The following CSRNP3 variants were observed in gnomAD, a reference collection of about 807,000 sequenced individuals.
CSRNP3 encodes the protein cysteine and serine rich nuclear protein 3, also known as cysteine/serine-rich nuclear protein 3.
Under a neutral mutation model 48.0 loss-of-function variants are expected in CSRNP3, and 12 were observed. That is an observed-to-expected ratio of 0.25 (90% confidence interval 0.16 to 0.41). The LOEUF is 0.41. Among genes scored for constraint, CSRNP3 ranks in the 10% least tolerant of loss-of-function variants. CSRNP3 has a pLI of 1.00. For missense variants in CSRNP3, 580 were observed against 724.4 expected (o/e 0.80, Z 2.29); for synonymous variants, 263 against 269.7 (o/e 0.98, Z 0.24).
At chr2:165,541,399 G>A (rs1684955857) in intron 3 of CSRNP3, among the ~76,000 whole-genome samples, 1 of 151,962 alleles carries the variant, frequency 6.6e-6, no homozygotes, top group Non-Finnish European at 1.5e-5. Flanking sequence ...GCACTACAGA[G>A]GTCGTCCCAT....
intron 3 of CSRNP3, among the ~76,000 whole-genome samples, chr2:165,586,532 G>T (rs577587807): frequency 6.6e-6 from 1 of 152,210 alleles, no homozygotes; most frequent in South Asian, 2.1e-4. Context: ...ATTTAACTGG[G>T]TGTCCCATAT....
intron 3 of CSRNP3, chr2:165,574,410 A>G: frequency 1.3e-6 from 2 of 1,550,134 alleles, no homozygotes; most frequent in South Asian, 2.4e-5. Context: ...TGTGTGCCGT[A>G]GTCGTTATAT....
At chr2:165,486,444 C>T (rs1409336828) in intron 1 of CSRNP3, among the ~76,000 whole-genome samples, 5 of 150,070 alleles carry the variant, frequency 3.3e-5, no homozygotes, top group Middle Eastern at 3.4e-3. Context: ...GAGCCCACCA[C>T]AGCTCAAGGA....
At chr2:165,633,235 A>T (rs1686568353) in intron 4 of CSRNP3, among the ~76,000 whole-genome samples, 1 of 152,128 alleles carries the variant, frequency 6.6e-6, no homozygotes, top group African/African-American at 2.4e-5. Flanking sequence ...GGCAGCCAAG[A>T]TTGTCTTTTA....
chr2:165,660,754 T>C (rs1158772814), intron 5 of CSRNP3, among the ~76,000 whole-genome samples: 1 of 152,216 alleles, frequency 6.6e-6, no homozygotes, highest in Non-Finnish European at 1.5e-5. Flanking sequence ...TATTGTTGGA[T>C]GTTGGAGAGG....
At chr2:165,612,557 A>G (rs1236541619) in intron 4 of CSRNP3, among the ~76,000 whole-genome samples, 4 of 151,754 alleles carry the variant, frequency 2.6e-5, no homozygotes, top group Non-Finnish European at 5.9e-5. Context: ...CTATTCATCA[A>G]CGTCTTCCTG....
At chr2:165,559,713 A>C (rs1270131284) in intron 3 of CSRNP3, among the ~76,000 whole-genome samples, 1 of 151,720 alleles carries the variant, frequency 6.6e-6, no homozygotes, top group African/African-American at 2.4e-5. Flanking sequence ...CAAATATTAA[A>C]TGTATTGTGC....
intron 3 of CSRNP3, among the ~76,000 whole-genome samples, chr2:165,582,223 T>C (rs1211229340): frequency 6.6e-6 from 1 of 152,168 alleles, no homozygotes; most frequent in African/African-American, 2.4e-5. Context: ...AAAACTACCT[T>C]GTAGAATGTG....
chr2:165,676,425 A>G lies in CSRNP3; in HGVS notation c.522A>G (p.Leu174=), dbSNP rs1558971393. The G allele has an allele frequency of 6.2e-7, 1 of 1,614,138 alleles. No homozygotes were observed. Among genetic ancestry groups the G allele is most frequent in the African/African-American group, 1.3e-5 (1 of 75,060 alleles). Residue 174 remains leucine (L), a synonymous_variant, in exon 6 of 7, where the codon CTA becomes CTG. Coordinates refer to ENST00000651982, the MANE Select transcript of CSRNP3 (RefSeq NM_001172173.2). ...DNTEVDEYFF[L]QPLPTKKRRA... is the part of the protein sequence containing the mutation. Reference sequence around the variant, plus strand: ...CAGAGGTAGATGAGTACTTCTTCCTACAACCTTTGCCAACAAAAAAACGAA... The same window carrying G: ...CAGAGGTAGATGAGTACTTCTTCCTGCAACCTTTGCCAACAAAAAAACGAA...
At chr2:165,562,977 G>A (rs1471674927) in intron 3 of CSRNP3, among the ~76,000 whole-genome samples, 1 of 152,186 alleles carries the variant, frequency 6.6e-6, no homozygotes, top group Non-Finnish European at 1.5e-5. Context: ...TGATGAAGGA[G>A]AGAAGACAGT....
intron 4 of CSRNP3, among the ~76,000 whole-genome samples, chr2:165,654,024 A>G (rs1480719001): frequency 1.4e-5 from 2 of 144,436 alleles, no homozygotes; most frequent in Non-Finnish European, 3.0e-5. Flanking sequence ...AGAGGTGTGT[A>G]TAATAATGAT....
chr2:165,493,118 C>T (rs1031252036), intron 1 of CSRNP3, among the ~76,000 whole-genome samples: 1 of 151,692 alleles, frequency 6.6e-6, no homozygotes, highest in Non-Finnish European at 1.5e-5. Context: ...TAAATATGCC[C>T]CAAGGAATTT....
intron 4 of CSRNP3, among the ~76,000 whole-genome samples, chr2:165,596,040 C>G (rs547417086): frequency 9.9e-5 from 15 of 151,968 alleles, no homozygotes; most frequent in Middle Eastern, 3.4e-3. Context: ...AGGCTGATCT[C>G]AAACTCCTGA....
At chr2:165,666,615 AG>A (rs1687214736) in intron 5 of CSRNP3, among the ~76,000 whole-genome samples, 1 of 89,766 alleles carries the variant, frequency 1.1e-5, no homozygotes, top group Non-Finnish European at 2.6e-5. Flanking sequence ...ATGAAGAAAG[AG>A]AGAAAGGAAG....
intron 5 of CSRNP3, 41 bp from the exon 6 acceptor site, chr2:165,676,271 T>A (rs774477705): frequency 6.5e-7 from 1 of 1,530,616 alleles, no homozygotes. Flanking sequence ...TTTTGTACCC[T>A]GCCCTTAATG....
chr2:165,646,148 A>G (rs986685819), intron 4 of CSRNP3, among the ~76,000 whole-genome samples: 3 of 152,150 alleles, frequency 2.0e-5, no homozygotes, highest in East Asian at 3.9e-4. Context: ...TTTATTCAGG[A>G]TAAGTATAGT....
At position 165,526,814 on chromosome 2, in the gene CSRNP3, A is replaced by G. The variant is rs142934956; in HGVS notation, c.-24+8853A>G. ...GTGGAGAAATGGACCATATCATACTACAGAGATGGGCCAGGAATTTGGTTC... is the reference window on the plus strand; with the variant it reads ...GTGGAGAAATGGACCATATCATACTGCAGAGATGGGCCAGGAATTTGGTTC... On this transcript the variant is annotated intron_variant, in intron 3 of 6. Coordinates refer to ENST00000651982, the MANE Select transcript of CSRNP3 (RefSeq NM_001172173.2). Among the ~76,000 whole-genome samples, 282 of 152,316 alleles carry G rather than the reference A, an allele frequency of 1.9e-3. 3 individuals are homozygous for G. Among genetic ancestry groups the G allele is most frequent in the African/African-American group, 6.5e-3 (269 of 41,558 alleles).
At chr2:165,548,953 C>A (rs75076684) in intron 3 of CSRNP3, among the ~76,000 whole-genome samples, 4,846 of 151,656 alleles carry the variant, frequency 0.032, 231 homozygotes, top group African/African-American at 0.11. Flanking sequence ...AAATATCTTC[C>A]CACTGCTTAC....
chr2:165,654,347 T>C (rs1686967633), intron 4 of CSRNP3, among the ~76,000 whole-genome samples: 1 of 152,194 alleles, frequency 6.6e-6, no homozygotes, highest in African/African-American at 2.4e-5. Context: ...AAATTGAAAG[T>C]TTTCTTTACT....
Sources: allele counts gnomAD v4.1 joint callset (sites outside exome capture counted in the v4.1 genomes callset), GRCh38; gene constraint gnomAD v4.1.1; transcripts MANE v1.5; gene names NCBI Gene and HGNC (gene_info 2026-07-23, HGNC 2026-07-21).